The following NUP188 variants were observed in gnomAD, a reference collection of about 807,000 sequenced individuals.
NUP188 encodes the protein nucleoporin NUP188.
In NUP188, 97 loss-of-function variants were observed where a neutral mutation model predicts 223.0. That is an observed-to-expected ratio of 0.43 (90% CI 0.37 to 0.51). The LOEUF is 0.51. Ranked by LOEUF, NUP188 falls within the 20% of genes least tolerant of loss-of-function variation. NUP188 has a pLI of 0.00. For missense variants in NUP188, 1,947 were observed against 2,175.6 expected (o/e 0.89, Z 2.09); for synonymous variants, 869 against 828.0 (o/e 1.05, Z -0.85).
Position 129,002,878 on chromosome 9 carries a change from C to T in NUP188, c.4199C>T (p.Ser1400Phe), listed in dbSNP as rs1842697811. The change falls in exon 37 of 44, where the codon TCC (serine) becomes TTC (phenylalanine). Residue 1400 changes from serine (S) to phenylalanine (F), a missense_variant. Transcript: ENST00000372577. ...APSWPGVYRL[S>F]MSLMEQLLKT... ...TCTTGGCCAGGAGTCTACCGCCTGT[C>T]CATGTCCCTGATGGAGCAGCTGCTC... is the stretch of plus-strand genomic sequence containing the variant. 6.2e-7 allele frequency: 1 copy of T among 1,614,140 alleles called. No homozygotes were observed.
chr9:129,006,666 T>C lies in NUP188; in HGVS notation c.5238T>C (p.His1746=), dbSNP rs1588300367. The change falls in exon 44 of 44, where the codon CAT becomes CAC. Residue 1746 remains histidine (H), a synonymous_variant. Coordinates refer to ENST00000372577, the MANE Select transcript of NUP188 (RefSeq NM_015354.3). The part of the protein sequence containing the change: ...LIQLVQAFVR[H]MQR Reference sequence around the variant, plus strand: ...AGTTGGTGCAGGCGTTTGTCCGGCATATGCAAAGATAGGGCAGTGCTGTTC... The same window carrying C: ...AGTTGGTGCAGGCGTTTGTCCGGCACATGCAAAGATAGGGCAGTGCTGTTC... The C allele has an allele frequency of 6.2e-7, 1 of 1,613,230 alleles. No homozygotes were observed. The highest frequency in any genetic ancestry group is 8.5e-7 in the Non-Finnish European group (1 of 1,179,828).
rs1305761411 is a variant in NUP188, at chr9:128,998,158, T to C, written c.3359T>C (p.Ile1120Thr). The change falls in exon 31 of 44, where the codon ATA (isoleucine) becomes ACA (threonine). Residue 1120 changes from isoleucine to threonine, a missense_variant. Ile to Thr is a moderately conservative substitution (Grantham distance 89, BLOSUM62 -1). Coordinates refer to ENST00000372577, the MANE Select transcript of NUP188 (RefSeq NM_015354.3). ...TTTTCTGTTCCTTTGCAGGCAGATA[T>C]AATGCACCTGACTGACTCTGTGGTG... ...LLIIATTHAD[I>T]MHLTDSVVRR... The C allele has an allele frequency of 3.7e-6, 6 of 1,613,440 alleles. No individual in the cohort carries two copies. Among genetic ancestry groups the C allele is most frequent in the Middle Eastern group, 1.6e-4 (1 of 6,080 alleles).
Position 129,004,818 on chromosome 9 carries a change from T to C in NUP188, c.4435-329T>C, listed in dbSNP as rs1477572729. On this transcript the variant is annotated intron_variant, in intron 38 of 43. Coordinates refer to ENST00000372577, the MANE Select transcript of NUP188 (RefSeq NM_015354.3). ...GCACCCGGCCTCATCTTCTTTACTT[T>C]AGGACCTTACAATATACCAGGCACC... The C allele has an allele frequency of 4.4e-5, 16 of 360,402 alleles. No homozygotes were observed. In the South Asian group the frequency reaches 4.7e-4, roughly 11 times the overall value. 22.3% of individuals were successfully genotyped at this position (360,402 alleles called of 1,614,324 possible).
In NUP188 at chr9:128,958,172, A is replaced by T. The variant is rs1841897419; in HGVS notation, c.372+118A>T. 7.0e-6 allele frequency: 5 copies of T among 719,396 alleles called. No homozygotes were observed. The Admixed American group carries it at 8.1e-5, about 12-fold the overall frequency. The allele number at this position is 719,396 out of a possible 1,614,324, so 44.6% of individuals were successfully genotyped here. A position where few individuals can be genotyped will look rare whatever the true frequency, so the allele number is the denominator to read the frequency against. ...TTGTTGGGTAAGCATGGAGGTCTTT[A>T]TGAAGAAGCATATTAACTCATTTAT... On this transcript the variant is annotated intron_variant, in intron 6 of 43. Coordinates refer to ENST00000372577, the MANE Select transcript of NUP188 (RefSeq NM_015354.3).
chr9:128,986,665 G>A lies in NUP188; in HGVS notation c.2184G>A (p.Val728=). Residue 728 remains valine, a synonymous_variant, in exon 21 of 44, where the codon GTG becomes GTA. Transcript: ENST00000372577. The part of the protein sequence containing the change: ...YHKWRYNSHG[V]REQIGCLILE... ...AGTGGCGCTACAACTCTCATGGAGTGAGGGAACAGATTGGTAAGGACAGCA... is the reference window on the plus strand; with the variant it reads ...AGTGGCGCTACAACTCTCATGGAGTAAGGGAACAGATTGGTAAGGACAGCA... 6.2e-7 allele frequency: 1 copy of A among 1,614,212 alleles called. No individual in the cohort carries two copies. Among genetic ancestry groups the A allele is most frequent in the Non-Finnish European group, 8.5e-7 (1 of 1,180,030 alleles).
At position 128,969,659 on chromosome 9, in the gene NUP188, T is replaced by G. The variant is rs181909613; in HGVS notation, c.912+145T>G. 2.2e-3 allele frequency: 1,188 copies of G among 532,734 alleles called. 7 individuals carry two copies. The highest frequency in any genetic ancestry group is 2.8e-3 in the Middle Eastern group (7 of 2,526). The allele number at this position is 532,734 out of a possible 1,614,324, so 33.0% of individuals were successfully genotyped here. On this transcript the variant is annotated intron_variant, in intron 10 of 43. Transcript: ENST00000372577. Reference sequence around the variant, plus strand: ...GTTCTACAATGTTTTCGTTTTGTTTTGTTTTGGTTTTTTGAGATGAAGTCT... The same window carrying G: ...GTTCTACAATGTTTTCGTTTTGTTTGGTTTTGGTTTTTTGAGATGAAGTCT...
At chr9:129,000,930 C>T (rs1241576929) in intron 34 of NUP188, among the ~76,000 whole-genome samples, 5 of 151,708 alleles carry the variant, frequency 3.3e-5, no homozygotes, top group Non-Finnish European at 5.9e-5. Context: ...CCCAGCTACT[C>T]GGGAGGCTGA....
At position 128,958,031 on chromosome 9, in the gene NUP188, C is replaced by CA; in HGVS notation, c.350dup (p.Ser118GlufsTer14). 6.2e-7 allele frequency: 1 copy of CA among 1,613,100 alleles called. No homozygotes were observed. Among genetic ancestry groups the CA allele is most frequent in the Non-Finnish European group, 8.5e-7 (1 of 1,179,424 alleles). The stretch of plus-strand genomic sequence containing the variant: ...TCAGACAGTACTGCAAGATGAGAGG[C>CA]AGAGCCAGGCCTTAATCCTGAAGGT... On this transcript the variant is annotated frameshift_variant, in exon 6 of 44. Transcript: ENST00000372577. LOFTEE classifies it high-confidence loss of function.
chr9:128,957,496 G>C (rs1044843913), intron 5 of NUP188, among the ~76,000 whole-genome samples: 1 of 151,644 alleles, frequency 6.6e-6, no homozygotes, highest in South Asian at 2.1e-4. Context: ...ATGGAGTTTC[G>C]CTCTGTCTCC....
At chr9:128,972,478 A>C (rs1210482885) in intron 11 of NUP188, among the ~76,000 whole-genome samples, 1 of 149,276 alleles carries the variant, frequency 6.7e-6, no homozygotes, top group African/African-American at 2.6e-5. Flanking sequence ...AGGATTTCAC[A>C]GAGGATTTTT....
intron 12 of NUP188, among the ~76,000 whole-genome samples, chr9:128,973,658 C>T (rs993454481): frequency 1.3e-5 from 2 of 152,160 alleles, no homozygotes; most frequent in African/African-American, 4.8e-5. Context: ...GCTGGGATAA[C>T]AGGCATGAGC....
At chr9:128,956,930 A>T (rs749375267) in intron 4 of NUP188, 22 bp from the exon 5 acceptor site, 2 of 1,568,562 alleles carry the variant, frequency 1.3e-6, no homozygotes, top group African/African-American at 1.4e-5. Flanking sequence ...GCTGTTCCTT[A>T]CTTAAAATCT....
At chr9:128,972,544 T>C (rs1842117975) in intron 11 of NUP188, among the ~76,000 whole-genome samples, 1 of 152,168 alleles carries the variant, frequency 6.6e-6, no homozygotes, top group East Asian at 1.9e-4. Context: ...GTCATACTTG[T>C]CCAAAAATCC....
In NUP188 at chr9:128,993,177, T is replaced by TG; in HGVS notation, c.2641-19dup. 13 of 1,603,958 alleles carry TG rather than the reference T, an allele frequency of 8.1e-6. No homozygotes were observed. The highest frequency in any genetic ancestry group is 1.1e-5 in the Non-Finnish European group (13 of 1,170,842). On this transcript the variant is annotated intron_variant, in intron 25 of 43. Transcript: ENST00000372577. ...TTGTGGAAGCAGAGCTCTAAGCCTG[T>TG]GTGTTCCGGTCTCCACCAGGTGGCC...
intron 24 of NUP188, among the ~76,000 whole-genome samples, chr9:128,988,943 C>T (rs1334513679): frequency 1.3e-5 from 2 of 151,690 alleles, no homozygotes; most frequent in African/African-American, 4.8e-5. Context: ...TTGGTAGAGA[C>T]GAGCTTTCGC....
chr9:128,992,636 T>C (rs1842452718), intron 25 of NUP188, among the ~76,000 whole-genome samples: 4 of 152,216 alleles, frequency 2.6e-5, no homozygotes, highest in Admixed American at 2.6e-4. Context: ...CTTCCTTCAT[T>C]CTTTTTAATG....
intron 12 of NUP188, among the ~76,000 whole-genome samples, chr9:128,976,051 G>A (rs1047573314): frequency 6.6e-6 from 1 of 152,122 alleles, no homozygotes; most frequent in African/African-American, 2.4e-5. Flanking sequence ...TCAAACTACT[G>A]ACCTCAAGTG....
In NUP188 at chr9:128,949,150, CAGAA is replaced by C. The variant is rs750341784; in HGVS notation, c.33-35_33-32del. 2.0e-6 allele frequency: 3 copies of C among 1,536,168 alleles called. No individual in the cohort carries two copies. In the South Asian group the frequency reaches 3.4e-5, roughly 17 times the overall value. On this transcript the variant is annotated intron_variant, in intron 1 of 43. Transcript: ENST00000372577. ...GAGGCAGTGTACAAGTTTGTATGAT[CAGAA>C]AGAGCAAAATTACCTCTGTTCTCTC...
chr9:128,961,047 T>G (rs1453477579), intron 8 of NUP188, among the ~76,000 whole-genome samples: 1 of 144,516 alleles, frequency 6.9e-6, no homozygotes, highest in Non-Finnish European at 1.5e-5. Context: ...ATTGCGCCAC[T>G]GTACTCCAGC....
Sources: gnomAD v4.1 joint callset for allele counts (sites outside exome capture counted in the v4.1 genomes callset) on GRCh38, gnomAD v4.1.1 for gene constraint, MANE v1.5 for transcripts, NCBI Gene and HGNC (gene_info 2026-07-23, HGNC 2026-07-21) for gene names.